PRKCA: variants seen among roughly 807,000 people sequenced by gnomAD.
The protein encoded by PRKCA is protein kinase C alpha type.
In PRKCA, 27 loss-of-function variants were observed where a neutral mutation model predicts 87.0. The ratio of observed to expected loss-of-function variants is 0.31; its 90% CI spans 0.23 to 0.43. The LOEUF (loss-of-function observed/expected upper bound fraction) is 0.43, where lower values mean the gene tolerates loss of function less well. PRKCA is among the 20% of genes least tolerant of loss of function. The pLI is 1.00. For missense variants in PRKCA, 518 were observed against 852.3 expected, an observed-to-expected ratio of 0.61 and a Z score of 4.88; for synonymous variants, 329 against 311.1, an observed-to-expected ratio of 1.06 and a Z score of -0.61.
In PRKCA at chr17:66,443,551, G is replaced by T. The variant is rs145464319; in HGVS notation, c.206-52650G>T. Among the ~76,000 whole-genome samples, 692 of 152,284 alleles carry T rather than the reference G, an allele frequency of 4.5e-3. 9 individuals are homozygous for T. Among genetic ancestry groups the T allele is most frequent in the African/African-American group, 0.014 (594 of 41,558 alleles). On this transcript the variant is annotated intron_variant, in intron 2 of 16. Coordinates refer to ENST00000413366, the MANE Select transcript of PRKCA (RefSeq NM_002737.3). ...CATGATACCCTTTTCTTCAGCTGCA[G>T]GTAAATGTCTGTTATGGTGAGTGAC...
At chr17:66,373,562 C>G (rs1408403829) in intron 2 of PRKCA, among the ~76,000 whole-genome samples, 1 of 152,198 alleles carries the variant, frequency 6.6e-6, no homozygotes, top group Non-Finnish European at 1.5e-5. Flanking sequence ...ATTAATTTTT[C>G]TTTCTGCTTC....
intron 2 of PRKCA, among the ~76,000 whole-genome samples, chr17:66,469,172 C>T (rs541688546): frequency 6.6e-6 from 1 of 152,294 alleles, no homozygotes; most frequent in East Asian, 1.9e-4. Context: ...ACTGGGGCAC[C>T]CTCCTCTACC....
intron 3 of PRKCA, among the ~76,000 whole-genome samples, chr17:66,592,527 G>A (rs1221456313): frequency 2.6e-5 from 4 of 151,764 alleles, no homozygotes; most frequent in Non-Finnish European, 5.9e-5. Flanking sequence ...CTTGTTTTTC[G>A]CCGGTGCGTC....
chr17:66,322,360 A>T (rs1025197780), intron 2 of PRKCA, among the ~76,000 whole-genome samples: 2 of 152,234 alleles, frequency 1.3e-5, no homozygotes, highest in African/African-American at 4.8e-5. Context: ...CTTAAAATGT[A>T]GAATGAATTT....
intron 3 of PRKCA, among the ~76,000 whole-genome samples, chr17:66,510,712 A>T (rs1448497681): frequency 6.6e-6 from 1 of 152,164 alleles, no homozygotes; most frequent in South Asian, 2.1e-4. Flanking sequence ...AGAAATTGTT[A>T]TGAGATTGCT....
At chr17:66,404,771 A>ATTTTTTTTTTT (rs1445620775) in intron 2 of PRKCA, among the ~76,000 whole-genome samples, 2 of 9,530 alleles carry the variant, frequency 2.1e-4, no homozygotes, top group Non-Finnish European at 5.0e-4. Flanking sequence ...TTTTTTTTTG[A>ATTTTTTTTTTT]GACAGCGTTT....
intron 3 of PRKCA, among the ~76,000 whole-genome samples, chr17:66,569,440 G>C (rs1252726913): frequency 6.6e-6 from 1 of 152,110 alleles, no homozygotes; most frequent in Middle Eastern, 3.2e-3. Flanking sequence ...ATGGTGGCAG[G>C]CACCTGTAAT....
chr17:66,644,779 A>T (rs1971407884), intron 4 of PRKCA, among the ~76,000 whole-genome samples: 1 of 151,886 alleles, frequency 6.6e-6, no homozygotes, highest in South Asian at 2.1e-4. Flanking sequence ...ACAGATTTTC[A>T]CTCTTTCTCA....
chr17:66,388,004 C>T (rs1910155639), intron 2 of PRKCA, among the ~76,000 whole-genome samples: 1 of 152,194 alleles, frequency 6.6e-6, no homozygotes, highest in Admixed American at 6.5e-5. Flanking sequence ...ATTTTCCTTT[C>T]CTGGTGTGGA....
At chr17:66,790,776 G>A (rs1355118066) in intron 16 of PRKCA, among the ~76,000 whole-genome samples, 1 of 152,100 alleles carries the variant, frequency 6.6e-6, no homozygotes, top group Non-Finnish European at 1.5e-5. Context: ...GCAGAAGAGA[G>A]TGTTTATTTG....
chr17:66,455,905 A>G (rs1914556269), intron 2 of PRKCA, among the ~76,000 whole-genome samples: 1 of 152,202 alleles, frequency 6.6e-6, no homozygotes, highest in African/African-American at 2.4e-5. Context: ...ATGCTCGTCC[A>G]GAACCTCACA....
chr17:66,480,072 G>T, intron 2 of PRKCA, among the ~76,000 whole-genome samples: 1 of 149,978 alleles, frequency 6.7e-6, no homozygotes, highest in Non-Finnish European at 1.5e-5. Context: ...AATTCATTTT[G>T]TCTTATATTT....
At chr17:66,777,059 A>G (rs1975070941) in intron 14 of PRKCA, 1 of 209,360 alleles carries the variant, frequency 4.8e-6, no homozygotes, top group Admixed American at 6.5e-5. Flanking sequence ...TTATTGGGAG[A>G]CTGCCTTTCC....
At chr17:66,786,483 C>G (rs892533661) in intron 14 of PRKCA, among the ~76,000 whole-genome samples, 3 of 152,168 alleles carry the variant, frequency 2.0e-5, no homozygotes, top group Non-Finnish European at 4.4e-5. Context: ...TACCGGCCAC[C>G]CCCACCTTCT....
chr17:66,332,923 C>G (rs1906438593), intron 2 of PRKCA, among the ~76,000 whole-genome samples: 1 of 152,110 alleles, frequency 6.6e-6, no homozygotes, highest in Non-Finnish European at 1.5e-5. Context: ...AATCTCCTGA[C>G]CTTGTGATCC....
At chr17:66,658,201 C>T (rs1422899298) in intron 5 of PRKCA, among the ~76,000 whole-genome samples, 2 of 152,064 alleles carry the variant, frequency 1.3e-5, no homozygotes, top group Non-Finnish European at 2.9e-5. Context: ...AGATCTCAGC[C>T]GGGCACAGTG....
chr17:66,633,044 G>A (rs985193124), intron 3 of PRKCA, among the ~76,000 whole-genome samples: 13 of 152,204 alleles, frequency 8.5e-5, no homozygotes, highest in Admixed American at 5.2e-4. Context: ...AATTTCTTTC[G>A]TTCTTTCTTA....
chr17:66,460,175 A>G (rs1326402873), intron 2 of PRKCA, among the ~76,000 whole-genome samples: 1 of 152,160 alleles, frequency 6.6e-6, no homozygotes, highest in Non-Finnish European at 1.5e-5. Flanking sequence ...CAAGGTATTG[A>G]ATTCCGCCTA....
Position 66,393,997 on chromosome 17 carries a change from C to A in PRKCA, c.205+87870C>A, listed in dbSNP as rs575905769. Among the ~76,000 whole-genome samples the A allele has an allele frequency of 5.9e-5, 9 of 152,108 alleles. No individual in the cohort carries two copies. The East Asian group carries it at 1.7e-3, about 30-fold the overall frequency. ...GACTGAGGCACGAGAATCGCTCGAA[C>A]CTGGGAGGCGGAGGTTGCAGTGAAC... On this transcript the variant is annotated intron_variant, in intron 2 of 16. Transcript: ENST00000413366.
Sources: gnomAD v4.1 joint callset for allele counts (sites outside exome capture counted in the v4.1 genomes callset) on GRCh38, gnomAD v4.1.1 for gene constraint, MANE v1.5 for transcripts, NCBI Gene and HGNC (gene_info 2026-07-23, HGNC 2026-07-21) for gene names.